Variants in RELN observed in about 807,000 individuals in gnomAD.
The protein encoded by RELN is reelin.
A neutral mutation model predicts 427.6 loss-of-function variants in RELN; 108 were observed. That is an observed-to-expected ratio of 0.25 (90% CI 0.22 to 0.30). The LOEUF (loss-of-function observed/expected upper bound fraction) is 0.30, where lower values mean the gene tolerates loss of function less well. Among genes scored for constraint, RELN ranks in the 10% least tolerant of loss-of-function variants. The pLI, the probability that RELN is intolerant of heterozygous loss-of-function variation, is 1.00. For synonymous variants in RELN, 1,524 were observed against 1,513.4 expected (o/e 1.01, Z -0.16); for missense variants, 3,715 against 4,302.8 (o/e 0.86, Z 3.82).
intron 16 of RELN, among the ~76,000 whole-genome samples, chr7:103,647,477 G>A (rs1381062783): frequency 6.6e-6 from 1 of 150,844 alleles, no homozygotes; most frequent in Non-Finnish European, 1.5e-5. Flanking sequence ...AAAATACCTA[G>A]GAATACATTT....
chr7:103,862,527 C>T (rs992414260), intron 2 of RELN, among the ~76,000 whole-genome samples: 7 of 151,962 alleles, frequency 4.6e-5, no homozygotes, highest in African/African-American at 1.7e-4. Context: ...CCCTGTCTCT[C>T]TGTTCCTTTC....
intron 22 of RELN, among the ~76,000 whole-genome samples, chr7:103,607,826 A>T (rs1346914205): frequency 2.0e-5 from 3 of 152,102 alleles, no homozygotes; most frequent in African/African-American, 7.2e-5. Flanking sequence ...TTAGGTGTTG[A>T]TTTGTTTATG....
Position 103,553,441 on chromosome 7 carries a change from T to A in RELN, c.6072+20A>T, listed in dbSNP as rs764365547. On this transcript the variant is annotated intron_variant, in intron 40 of 64. Coordinates refer to ENST00000428762, the MANE Select transcript of RELN (RefSeq NM_005045.4). ...TCAATATAAAATTTAAAGCATTTAT[T>A]ATAGAACAAAGTCAAGTACCTCAAA... 6.4e-7 allele frequency: 1 copy of A among 1,567,168 alleles called. No individual in the cohort carries two copies. The highest frequency in any genetic ancestry group is 8.8e-7 in the Non-Finnish European group (1 of 1,137,672).
intron 36 of RELN, 96 bp from the exon 37 acceptor site, chr7:103,558,145 A>G: frequency 1.4e-6 from 1 of 698,536 alleles, no homozygotes; most frequent in East Asian, 2.7e-5. Context: ...GCTAAGTAAT[A>G]AATACATATC....
In RELN at chr7:103,593,836, C is replaced by T; in HGVS notation, c.3758G>A (p.Ser1253Asn). ...TTCATTAGCCAACATCAACCACACA[C>T]TCATCTGATTCATAGGGTAATCAAA... ...PAFDYPMNQM[S>N]VWLMLANEGM... is the part of the protein sequence containing the mutation. The change falls in exon 27 of 65, where the codon AGT becomes AAT. Residue 1253 changes from serine (S) to asparagine (N), a missense_variant. Transcript: ENST00000428762. 6.2e-7 allele frequency: 1 copy of T among 1,613,988 alleles called. No individual in the cohort carries two copies. Among genetic ancestry groups the T allele is most frequent in the Non-Finnish European group, 8.5e-7 (1 of 1,179,912 alleles).
intron 8 of RELN, among the ~76,000 whole-genome samples, chr7:103,712,680 A>G (rs1193287709): frequency 2.0e-5 from 3 of 152,230 alleles, no homozygotes; most frequent in Non-Finnish European, 1.5e-5. Flanking sequence ...CTGCCAAATG[A>G]ATTCAGCTCA....
At chr7:103,653,831 T>C (rs1562941588) in intron 13 of RELN, among the ~76,000 whole-genome samples, 1 of 152,112 alleles carries the variant, frequency 6.6e-6, no homozygotes, top group Non-Finnish European at 1.5e-5. Context: ...GGGACAAGAA[T>C]AACTGTCAGA....
intron 3 of RELN, among the ~76,000 whole-genome samples, chr7:103,786,151 G>T (rs750231236): frequency 1.3e-5 from 2 of 151,620 alleles, no homozygotes; most frequent in Non-Finnish European, 2.9e-5. Context: ...CTTTTTTTCC[G>T]TTATAAAGGT....
At chr7:103,920,914 T>C (rs947930906) in intron 1 of RELN, among the ~76,000 whole-genome samples, 33 of 152,122 alleles carry the variant, frequency 2.2e-4, no homozygotes, top group African/African-American at 7.5e-4. Flanking sequence ...AAAACATTTA[T>C]ATTAAAAAGT....
At chr7:103,577,371 T>C (rs1394910418) in intron 28 of RELN, among the ~76,000 whole-genome samples, 2 of 152,166 alleles carry the variant, frequency 1.3e-5, no homozygotes, top group East Asian at 1.9e-4. Context: ...AGTAATGTTG[T>C]TTATTAGGTT....
rs182946933 is a variant in RELN at position 103,779,997 on chromosome 7, A to G, written c.474-3370T>C. Among the ~76,000 whole-genome samples, 136 of 152,294 alleles carry G rather than the reference A, an allele frequency of 8.9e-4. 1 individual carries two copies. The highest frequency in any genetic ancestry group is 2.7e-3 in the African/African-American group (112 of 41,584). On this transcript the variant is annotated intron_variant, in intron 3 of 64. Transcript: ENST00000428762. ...TGCCTCAGCCTCCCAAAGTGCTGGG[A>G]TTACAGGTGTGAGCGACCACACCCG... is the stretch of plus-strand genomic sequence containing the variant.
At chr7:103,689,526 C>A (rs12538344) in intron 10 of RELN, among the ~76,000 whole-genome samples, 15 of 151,614 alleles carry the variant, frequency 9.9e-5, no homozygotes, top group African/African-American at 3.2e-4. Flanking sequence ...CACACACACA[C>A]CAAGTGTTCA....
At chr7:103,819,705 TAAAATATTTCAA>T (rs1172805152) in intron 3 of RELN, among the ~76,000 whole-genome samples, 2 of 151,968 alleles carry the variant, frequency 1.3e-5, no homozygotes, top group African/African-American at 4.8e-5. Flanking sequence ...TTTCAAATAA[TAAAATATTTCAA>T]AAAATATTTC....
intron 51 of RELN, 96 bp downstream of exon 51, chr7:103,510,755 C>T: frequency 2.0e-6 from 2 of 1,014,672 alleles, no homozygotes; most frequent in African/African-American, 1.6e-5. Flanking sequence ...AAAGTATATA[C>T]TAAGTCAATG....
intron 50 of RELN, among the ~76,000 whole-genome samples, chr7:103,511,279 A>G (rs764565070): frequency 2.4e-4 from 37 of 152,194 alleles, no homozygotes; most frequent in Non-Finnish European, 4.3e-4. Flanking sequence ...GTAAATGAAA[A>G]TCAAAAGGAA....
At chr7:103,889,396 T>C (rs951001283) in intron 2 of RELN, among the ~76,000 whole-genome samples, 1 of 152,222 alleles carries the variant, frequency 6.6e-6, no homozygotes, top group African/African-American at 2.4e-5. Context: ...CTTTTGGGAA[T>C]GCTACCAAGA....
chr7:103,605,892 C>T (rs540018886), intron 22 of RELN, among the ~76,000 whole-genome samples: 1 of 152,238 alleles, frequency 6.6e-6, no homozygotes, highest in South Asian at 2.1e-4. Context: ...TTCACAGAGA[C>T]GCATCCAGTA....
chr7:103,955,201 A>C (rs558999802), intron 1 of RELN, among the ~76,000 whole-genome samples: 30 of 152,330 alleles, frequency 2.0e-4, no homozygotes, highest in Non-Finnish European at 4.4e-4. Flanking sequence ...CCTATCTATG[A>C]GACCTTGAGT....
intron 2 of RELN, among the ~76,000 whole-genome samples, chr7:103,902,799 T>C (rs1043656887): frequency 6.6e-6 from 1 of 152,114 alleles, no homozygotes; most frequent in African/African-American, 2.4e-5. Flanking sequence ...TGGTGAAGTG[T>C]CTTTATTGGA....
Sources: allele counts gnomAD v4.1 joint callset (sites outside exome capture counted in the v4.1 genomes callset), GRCh38; gene constraint gnomAD v4.1.1; transcripts MANE v1.5; gene names NCBI Gene and HGNC (gene_info 2026-07-23, HGNC 2026-07-21).